Variants in DNER observed in about 807,000 individuals in gnomAD.
The protein encoded by DNER is delta and Notch-like epidermal growth factor-related receptor.
In DNER, 33 loss-of-function variants were observed where a neutral mutation model predicts 78.2. That is an observed-to-expected ratio of 0.42 (90% CI 0.32 to 0.56). DNER has a LOEUF of 0.56. Among genes scored for constraint, DNER ranks in the 20% least tolerant of loss-of-function variants. DNER has a pLI of 0.11. For synonymous variants in DNER, 417 were observed against 384.8 expected, an observed-to-expected ratio of 1.08 and a Z score of -0.98; for missense variants, 918 against 975.3, an observed-to-expected ratio of 0.94 and a Z score of 0.78.
At chr2:229,679,317 G>A (rs576041946) in intron 1 of DNER, among the ~76,000 whole-genome samples, 8 of 152,146 alleles carry the variant, frequency 5.3e-5, no homozygotes, top group Non-Finnish European at 8.8e-5. Flanking sequence ...TAAGCAAAAA[G>A]GTATGTAAGG....
chr2:229,387,568 A>AAAAG (rs895770917), intron 11 of DNER, among the ~76,000 whole-genome samples: 185 of 144,736 alleles, frequency 1.3e-3, no homozygotes, highest in African/African-American at 4.6e-3. Context: ...AGAAAGAAAG[A>AAAAG]AAAGAAAGAA....
At position 229,407,348 on chromosome 2, in the gene DNER, G is replaced by T. The variant is rs1215690599; in HGVS notation, c.1610-3C>A. On this transcript the variant is annotated splice_region_variant and splice_polypyrimidine_tract_variant and intron_variant, in intron 9 of 12. Transcript: ENST00000341772. ...CTTGTACAATTCACAGTGTGTTCCT[G>T]CAGAGAAACAAGCAAAACAGGATGA... 1.2e-6 allele frequency: 2 copies of T among 1,611,122 alleles called. No individual in the cohort carries two copies. Among genetic ancestry groups the T allele is most frequent in the Non-Finnish European group, 1.7e-6 (2 of 1,177,704 alleles).
At chr2:229,407,476 T>C (rs975345100) in intron 9 of DNER, 131 bp from the exon 10 acceptor site, 7 of 634,428 alleles carry the variant, frequency 1.1e-5, no homozygotes, top group Non-Finnish European at 2.6e-6. Flanking sequence ...TGGGTGAGTG[T>C]ATACACACGT....
chr2:229,360,407 C>CT (rs989632830), intron 12 of DNER, among the ~76,000 whole-genome samples: 1 of 151,988 alleles, frequency 6.6e-6, no homozygotes, highest in Non-Finnish European at 1.5e-5. Context: ...TTAAAACATC[C>CT]TTTTTTTTAT....
intron 5 of DNER, among the ~76,000 whole-genome samples, chr2:229,515,639 A>ATTTTTTT (rs1162899815): frequency 2.8e-5 from 2 of 71,538 alleles, no homozygotes; most frequent in African/African-American, 4.2e-5. Context: ...AGTTAGCTTT[A>ATTTTTTT]TTTTTTTATT....
chr2:229,611,300 C>A lies in DNER; in HGVS notation c.277-19412G>T, dbSNP rs550292514. ...TTAATAAAAAGAACCATTAGCAATG[C>A]CTTTTGGCCTGAAGCACTATAAAAA... On this transcript the variant is annotated intron_variant, in intron 1 of 12. Transcript: ENST00000341772. Among the ~76,000 whole-genome samples the A allele has an allele frequency of 3.2e-4, 49 of 152,230 alleles. No homozygotes were observed. The South Asian group carries it at 9.8e-3, about 30-fold the overall frequency.
intron 1 of DNER, among the ~76,000 whole-genome samples, chr2:229,652,106 G>C (rs1347442319): frequency 6.6e-6 from 1 of 152,184 alleles, no homozygotes. Flanking sequence ...CAAAGAGCTA[G>C]AGGAAACATC....
intron 1 of DNER, among the ~76,000 whole-genome samples, chr2:229,694,611 G>A (rs554308168): frequency 6.6e-6 from 1 of 152,358 alleles, no homozygotes; most frequent in South Asian, 2.1e-4. Flanking sequence ...GAACTTTAAG[G>A]TTTAATGATT....
At chr2:229,597,076 CAT>C (rs969226872) in intron 1 of DNER, among the ~76,000 whole-genome samples, 6 of 150,914 alleles carry the variant, frequency 4.0e-5, no homozygotes, top group Non-Finnish European at 5.9e-5. Flanking sequence ...TGAACACAAA[CAT>C]GTGTGCACAC....
At chr2:229,691,599 C>T (rs12991349) in intron 1 of DNER, among the ~76,000 whole-genome samples, 56,549 of 151,708 alleles carry the variant, frequency 0.37, 11,067 homozygotes, top group East Asian at 0.71. Context: ...TATTGGCAAG[C>T]AAATATAAAG....
At chr2:229,478,934 C>G (rs1441517654) in intron 6 of DNER, among the ~76,000 whole-genome samples, 2 of 152,146 alleles carry the variant, frequency 1.3e-5, no homozygotes, top group East Asian at 3.9e-4. Context: ...CCCAGCATTC[C>G]TTAGCTGTTC....
intron 5 of DNER, among the ~76,000 whole-genome samples, chr2:229,529,917 G>C (rs1463254214): frequency 6.6e-6 from 1 of 152,146 alleles, no homozygotes; most frequent in African/African-American, 2.4e-5. Flanking sequence ...ACTGAGGCGG[G>C]AGGATTGGTT....
intron 1 of DNER, among the ~76,000 whole-genome samples, chr2:229,607,466 G>C (rs1248100396): frequency 6.6e-6 from 1 of 152,086 alleles, no homozygotes; most frequent in Non-Finnish European, 1.5e-5. Context: ...ACTAATCCAG[G>C]TAGAACAGTA....
intron 8 of DNER, among the ~76,000 whole-genome samples, chr2:229,428,873 G>A (rs1352164736): frequency 2.6e-5 from 4 of 151,834 alleles, no homozygotes. Flanking sequence ...TGGGTAGAGA[G>A]GAAGAGCAAA....
At chr2:229,571,339 C>G (rs189080891) in intron 4 of DNER, among the ~76,000 whole-genome samples, 1 of 152,192 alleles carries the variant, frequency 6.6e-6, no homozygotes, top group Admixed American at 6.5e-5. Flanking sequence ...AAATCTCAAA[C>G]CTTGAAATTC....
At chr2:229,365,596 C>T (rs1437875639) in intron 12 of DNER, among the ~76,000 whole-genome samples, 1 of 152,156 alleles carries the variant, frequency 6.6e-6, no homozygotes, top group African/African-American at 2.4e-5. Context: ...GCCACCATGC[C>T]TGGCTAATTT....
chr2:229,420,854 A>G (rs1693748559), intron 8 of DNER, among the ~76,000 whole-genome samples: 1 of 152,234 alleles, frequency 6.6e-6, no homozygotes, highest in African/African-American at 2.4e-5. Flanking sequence ...ATGAAAAACT[A>G]CAGAGGTTCC....
chr2:229,610,512 C>T (rs2154215158), intron 1 of DNER, among the ~76,000 whole-genome samples: 1 of 152,354 alleles, frequency 6.6e-6, no homozygotes, highest in South Asian at 2.1e-4. Context: ...TTTGCATTTG[C>T]TCCGTTTGGC....
intron 11 of DNER, 121 bp from the exon 12 acceptor site, chr2:229,367,240 T>C: frequency 7.3e-7 from 1 of 1,365,912 alleles, no homozygotes; most frequent in South Asian, 1.5e-5. Context: ...GGAAGGCTTA[T>C]TTTCTACGGA....
Sources: allele counts gnomAD v4.1 joint callset (sites outside exome capture counted in the v4.1 genomes callset), GRCh38; gene constraint gnomAD v4.1.1; transcripts MANE v1.5; gene names NCBI Gene and HGNC (gene_info 2026-07-23, HGNC 2026-07-21).